Variants in SYNDIG1 observed in about 807,000 individuals in gnomAD.
SYNDIG1 encodes the protein synapse differentiation inducing 1.
A neutral mutation model predicts 19.4 loss-of-function variants in SYNDIG1; 9 were observed. The observed-to-expected ratio is 0.46, with a 90% CI of 0.28 to 0.81. The LOEUF (loss-of-function observed/expected upper bound fraction) is 0.81. Ranked by LOEUF, SYNDIG1 falls within the 30% of genes least tolerant of loss-of-function variation. The pLI, the probability that SYNDIG1 is intolerant of heterozygous loss-of-function variation, is 0.12. For missense variants in SYNDIG1, 311 were observed against 343.3 expected, an observed-to-expected ratio of 0.91 and a Z score of 0.74; for synonymous variants, 141 against 145.9, an observed-to-expected ratio of 0.97 and a Z score of 0.24.
At chr20:24,619,053 T>A (rs1217910631) in intron 3 of SYNDIG1, among the ~76,000 whole-genome samples, 3 of 152,220 alleles carry the variant, frequency 2.0e-5, no homozygotes, top group Non-Finnish European at 4.4e-5. Flanking sequence ...CAGTCTCTTT[T>A]GCAGGGCAGG....
chr20:24,630,483 C>G (rs2059223448), intron 3 of SYNDIG1, among the ~76,000 whole-genome samples: 2 of 152,184 alleles, frequency 1.3e-5, no homozygotes, highest in South Asian at 4.1e-4. Context: ...GTTCATGGTA[C>G]CTTATTCATC....
chr20:24,562,591 A>G (rs572652038), intron 2 of SYNDIG1, among the ~76,000 whole-genome samples: 1 of 152,330 alleles, frequency 6.6e-6, no homozygotes, highest in South Asian at 2.1e-4. Flanking sequence ...GAGGGAAAGA[A>G]TCTCCCAGAT....
intron 2 of SYNDIG1, among the ~76,000 whole-genome samples, chr20:24,552,504 G>A (rs546486468): frequency 6.3e-4 from 95 of 151,626 alleles, no homozygotes; most frequent in African/African-American, 2.3e-3. Context: ...TCCCCTTCCT[G>A]TGTCCATGTG....
intron 2 of SYNDIG1, among the ~76,000 whole-genome samples, chr20:24,557,684 A>G (rs949547512): frequency 6.6e-6 from 1 of 152,016 alleles, no homozygotes; most frequent in Admixed American, 6.6e-5. Context: ...TCAGAGGAGT[A>G]CCCGGCCATG....
At chr20:24,538,188 AACCATCACC>A (rs1025418847) in intron 1 of SYNDIG1, among the ~76,000 whole-genome samples, 26 of 152,176 alleles carry the variant, frequency 1.7e-4, no homozygotes, top group African/African-American at 5.8e-4. Flanking sequence ...TATAATGTGT[AACCATCACC>A]ACCATCTATC....
At chr20:24,486,007 G>A (rs1600401809) in intron 1 of SYNDIG1, among the ~76,000 whole-genome samples, 1 of 152,208 alleles carries the variant, frequency 6.6e-6, no homozygotes. Flanking sequence ...AGGATTTAAT[G>A]AGAACTTAAC....
chr20:24,471,647 T>C (rs1242746001), intron 1 of SYNDIG1, among the ~76,000 whole-genome samples: 1 of 151,990 alleles, frequency 6.6e-6, no homozygotes, highest in Non-Finnish European at 1.5e-5. Flanking sequence ...AAACCTATTT[T>C]TAAACTTTTT....
intron 2 of SYNDIG1, among the ~76,000 whole-genome samples, chr20:24,583,658 A>G (rs1600683190): frequency 6.6e-6 from 1 of 152,220 alleles, no homozygotes; most frequent in African/African-American, 2.4e-5. Context: ...ACACCAAGGC[A>G]GGGCCCAGCC....
At chr20:24,470,130 C>G (rs955740175) in intron 1 of SYNDIG1, among the ~76,000 whole-genome samples, 2 of 152,162 alleles carry the variant, frequency 1.3e-5, no homozygotes, top group Non-Finnish European at 2.9e-5. Context: ...GAGAGCGTAG[C>G]GGAGCCAGGC....
chr20:24,536,752 T>A (rs1341727450), intron 1 of SYNDIG1, among the ~76,000 whole-genome samples: 1 of 152,178 alleles, frequency 6.6e-6, no homozygotes, highest in Non-Finnish European at 1.5e-5. Context: ...GGGAGGACCC[T>A]GTGATCTGAG....
chr20:24,625,559 A>T (rs1045780034), intron 3 of SYNDIG1, among the ~76,000 whole-genome samples: 1 of 151,978 alleles, frequency 6.6e-6, no homozygotes, highest in Non-Finnish European at 1.5e-5. Flanking sequence ...GGGAGTGATG[A>T]TGACTCTTAA....
chr20:24,496,589 GT>G (rs551479007), intron 1 of SYNDIG1, among the ~76,000 whole-genome samples: 1 of 152,096 alleles, frequency 6.6e-6, no homozygotes, highest in East Asian at 1.9e-4. Flanking sequence ...ATACTGTTTT[GT>G]TTTTTTCTGA....
At chr20:24,577,842 A>C (rs2058254886) in intron 2 of SYNDIG1, among the ~76,000 whole-genome samples, 1 of 152,214 alleles carries the variant, frequency 6.6e-6, no homozygotes, top group African/African-American at 2.4e-5. Flanking sequence ...CCTGGAGAGC[A>C]TAGGAAGGCA....
At chr20:24,510,676 C>G (rs2056723518) in intron 1 of SYNDIG1, among the ~76,000 whole-genome samples, 1 of 151,388 alleles carries the variant, frequency 6.6e-6, no homozygotes, top group South Asian at 2.1e-4. Context: ...TTTAATTTAC[C>G]TTGTATTATG....
At chr20:24,622,167 A>G (rs2059049444) in intron 3 of SYNDIG1, among the ~76,000 whole-genome samples, 1 of 152,250 alleles carries the variant, frequency 6.6e-6, no homozygotes, top group Non-Finnish European at 1.5e-5. Context: ...ACATAAGAAA[A>G]TGGATGTCAG....
chr20:24,636,522 A>C lies in SYNDIG1; in HGVS notation c.619-28824A>C, dbSNP rs190406307. Among the ~76,000 whole-genome samples the C allele has an allele frequency of 7.2e-5, 11 of 152,332 alleles. 1 individual carries two copies. The highest frequency in any genetic ancestry group is 2.4e-4 in the African/African-American group (10 of 41,582). On this transcript the variant is annotated intron_variant, in intron 3 of 3. Coordinates refer to ENST00000376862, the MANE Select transcript of SYNDIG1 (RefSeq NM_024893.3). ...TGGTTGGACCAGGTGTGCCATTTACATAGCACACAAAGAAGCTGGCCACCT... is the reference window on the plus strand; with the variant it reads ...TGGTTGGACCAGGTGTGCCATTTACCTAGCACACAAAGAAGCTGGCCACCT...
At chr20:24,515,608 A>G (rs2056844763) in intron 1 of SYNDIG1, among the ~76,000 whole-genome samples, 1 of 152,002 alleles carries the variant, frequency 6.6e-6, no homozygotes, top group Non-Finnish European at 1.5e-5. Flanking sequence ...AGAGAATAAA[A>G]TACCTAGGAA....
intron 1 of SYNDIG1, among the ~76,000 whole-genome samples, chr20:24,480,631 T>A (rs2146239187): frequency 6.6e-6 from 1 of 152,308 alleles, no homozygotes; most frequent in Non-Finnish European, 1.5e-5. Context: ...TGGGTATATA[T>A]CCAAAATAAT....
At chr20:24,661,308 AGGAAAG>A (rs2059583126) in intron 3 of SYNDIG1, among the ~76,000 whole-genome samples, 1 of 115,750 alleles carries the variant, frequency 8.6e-6, no homozygotes, top group African/African-American at 3.1e-5. Flanking sequence ...GGAGGGAGGG[AGGAAAG>A]GGGAGGGAGG....
Sources: allele counts gnomAD v4.1 joint callset (sites outside exome capture counted in the v4.1 genomes callset), GRCh38; gene constraint gnomAD v4.1.1; transcripts MANE v1.5; gene names NCBI Gene and HGNC (gene_info 2026-07-23, HGNC 2026-07-21).